HERC4: variants seen among roughly 807,000 people sequenced by gnomAD.
HERC4 encodes the protein HECT and RLD domain containing E3 ubiquitin protein ligase 4.
Under a neutral mutation model 124.3 loss-of-function variants are expected in HERC4, and 28 were observed. That is an observed-to-expected ratio of 0.23 (90% CI 0.17 to 0.31). The LOEUF is 0.31. Among genes scored for constraint, HERC4 ranks in the 10% least tolerant of loss-of-function variants. The pLI, the probability that HERC4 is intolerant of heterozygous loss-of-function variation, is 1.00. For missense variants in HERC4, 713 were observed against 1,229.3 expected (o/e 0.58, Z 6.28); for synonymous variants, 407 against 421.5 (o/e 0.97, Z 0.42).
intron 9 of HERC4, among the ~76,000 whole-genome samples, chr10:68,002,283 G>A (rs935069681): frequency 2.0e-5 from 3 of 152,086 alleles, no homozygotes; most frequent in African/African-American, 7.2e-5. Flanking sequence ...TAACACACAC[G>A]TGACTCAACT....
intron 1 of HERC4, chr10:68,074,133 A>C (rs561680311): frequency 3.9e-5 from 6 of 152,344 alleles, no homozygotes; most frequent in Admixed American, 3.9e-4. Flanking sequence ...ACTTTCCAGC[A>C]CACTGACTGA....
At chr10:67,927,637 G>C (rs1455624386) in intron 23 of HERC4, among the ~76,000 whole-genome samples, 3 of 151,776 alleles carry the variant, frequency 2.0e-5, no homozygotes, top group African/African-American at 4.8e-5. Context: ...ATGTTGGCCA[G>C]GATGGTCTTG....
chr10:67,996,051 A>G, intron 9 of HERC4: 1 of 399,790 alleles, frequency 2.5e-6, no homozygotes, highest in Non-Finnish European at 4.9e-6. Context: ...CATACCTGTA[A>G]TCCCAGCACT....
intron 12 of HERC4, 62 bp from the exon 13 acceptor site, chr10:67,991,077 T>C (rs2036525149): frequency 7.4e-6 from 10 of 1,358,032 alleles, no homozygotes; most frequent in Non-Finnish European, 9.9e-6. Flanking sequence ...CATTTTTTAA[T>C]TTGATATACT....
intron 3 of HERC4, among the ~76,000 whole-genome samples, chr10:68,045,104 T>G (rs1365304191): frequency 6.6e-6 from 1 of 152,170 alleles, no homozygotes; most frequent in Non-Finnish European, 1.5e-5. Context: ...GCGGATCGCT[T>G]TAGGTCAGGA....
chr10:67,966,586 T>C, intron 16 of HERC4, 97 bp downstream of exon 16: 1 of 1,188,922 alleles, frequency 8.4e-7, no homozygotes, highest in Non-Finnish European at 1.2e-6. Flanking sequence ...ATAAAAGTTC[T>C]GAAAAAACTT....
intron 21 of HERC4, 47 bp from the exon 22 acceptor site, chr10:67,936,282 T>C (rs1320954173): frequency 9.5e-7 from 1 of 1,047,870 alleles, no homozygotes; most frequent in Non-Finnish European, 1.4e-6. Context: ...ACTCAAAACT[T>C]ATAATAATCT....
intron 15 of HERC4, among the ~76,000 whole-genome samples, chr10:67,985,982 T>G (rs2036238971): frequency 6.6e-6 from 1 of 152,216 alleles, no homozygotes; most frequent in African/African-American, 2.4e-5. Context: ...GGAAGGAATT[T>G]AGGCAGCTGT....
chr10:67,931,473 A>G (rs1051398184), intron 23 of HERC4, among the ~76,000 whole-genome samples: 2 of 151,266 alleles, frequency 1.3e-5, no homozygotes, highest in Middle Eastern at 3.3e-3. Context: ...TTTTTTTTGG[A>G]GAGTGCAGTG....
chr10:68,051,298 T>C (rs894261394), intron 3 of HERC4, among the ~76,000 whole-genome samples: 9 of 151,512 alleles, frequency 5.9e-5, no homozygotes, highest in African/African-American at 2.2e-4. Flanking sequence ...TATTTAAAAA[T>C]ATAAATACAC....
At chr10:67,937,981 C>G (rs1046717523) in intron 21 of HERC4, among the ~76,000 whole-genome samples, 6 of 151,916 alleles carry the variant, frequency 3.9e-5, no homozygotes, top group Admixed American at 3.9e-4. Context: ...TGTGCCCGGA[C>G]AGAAAACAGT....
intron 9 of HERC4, chr10:68,010,876 G>C (rs1009152438): frequency 6.1e-5 from 90 of 1,486,618 alleles, no homozygotes; most frequent in Admixed American, 8.6e-5. Context: ...GATGTCCTGG[G>C]ACTGGATGAA....
chr10:68,050,876 C>A (rs1457124896), intron 3 of HERC4, among the ~76,000 whole-genome samples: 1 of 151,786 alleles, frequency 6.6e-6, no homozygotes, highest in Non-Finnish European at 1.5e-5. Context: ...GCAAAACAAA[C>A]AAAAAAATTC....
At chr10:67,969,005 C>A (rs2035069721) in intron 15 of HERC4, among the ~76,000 whole-genome samples, 2 of 151,856 alleles carry the variant, frequency 1.3e-5, no homozygotes, top group Non-Finnish European at 2.9e-5. Context: ...AATCCTGGAC[C>A]ATACAATAAG....
At chr10:68,049,356 T>C (rs1267186037) in intron 3 of HERC4, among the ~76,000 whole-genome samples, 1 of 152,068 alleles carries the variant, frequency 6.6e-6, no homozygotes, top group Non-Finnish European at 1.5e-5. Flanking sequence ...ATATTTTATC[T>C]ACATTTTTAA....
chr10:68,032,186 A>C (rs2039243305), intron 7 of HERC4, among the ~76,000 whole-genome samples: 1 of 152,246 alleles, frequency 6.6e-6, no homozygotes, highest in African/African-American at 2.4e-5. Context: ...GTAAAGGTTA[A>C]CTGAATGCTT....
At chr10:67,950,736 C>G (rs934658961) in intron 19 of HERC4, among the ~76,000 whole-genome samples, 1 of 152,210 alleles carries the variant, frequency 6.6e-6, no homozygotes, top group African/African-American at 2.4e-5. Context: ...CGGTCTTCAA[C>G]ATATATACAG....
Position 67,996,710 on chromosome 10 carries a change from C to T in HERC4, c.1070-4028G>A, listed in dbSNP as rs75368843. On this transcript the variant is annotated intron_variant, in intron 9 of 24. Transcript: ENST00000373700. ...ATGAAAATCATTTTGACTGGCCAGG[C>T]GCGGTGGCTCACACTTGTAATCTCA... Among the ~76,000 whole-genome samples the T allele has an allele frequency of 0.021, 3,259 of 152,040 alleles. 316 individuals are homozygous for T. The East Asian group carries it at 0.31, about 15-fold the overall frequency.
chr10:67,978,953 C>T (rs1175286049), intron 15 of HERC4, among the ~76,000 whole-genome samples: 1 of 152,112 alleles, frequency 6.6e-6, no homozygotes, highest in East Asian at 1.9e-4. Flanking sequence ...AGCTTCTAAG[C>T]GATGACAACA....
Sources: gnomAD v4.1 joint callset for allele counts (sites outside exome capture counted in the v4.1 genomes callset) on GRCh38, gnomAD v4.1.1 for gene constraint, MANE v1.5 for transcripts, NCBI Gene and HGNC (gene_info 2026-07-23, HGNC 2026-07-21) for gene names.